ITPK1: variants seen among roughly 807,000 people sequenced by gnomAD.
ITPK1 encodes the protein inositol 1,3,4-trisphosphate 5/6-kinase.
In ITPK1, 21 loss-of-function variants were observed where a neutral mutation model predicts 45.3. The observed-to-expected ratio is 0.46, with a 90% CI of 0.33 to 0.67. The LOEUF is 0.67. Among genes scored for constraint, ITPK1 ranks in the 30% least tolerant of loss-of-function variants. The pLI is 0.02. For synonymous variants in ITPK1, 258 were observed against 253.6 expected (o/e 1.02, Z -0.16); for missense variants, 474 against 573.5 (o/e 0.83, Z 1.77).
chr14:93,003,324 C>T (rs773975714), intron 4 of ITPK1, among the ~76,000 whole-genome samples: 8 of 152,210 alleles, frequency 5.3e-5, no homozygotes, highest in African/African-American at 1.4e-4. Context: ...CCACTGCAAC[C>T]GTGAAACCAA....
rs1262632111 is a variant in ITPK1 at position 92,940,459 on chromosome 14, G to T, written c.*1102C>A. 5.4e-6 allele frequency: 6 copies of T among 1,116,020 alleles called. No individual in the cohort carries two copies. Among genetic ancestry groups the T allele is most frequent in the Non-Finnish European group, 6.6e-6 (6 of 904,772 alleles). The allele number at this position is 1,116,020 out of a possible 1,614,324, so 69.1% of individuals were successfully genotyped here. A position where few individuals can be genotyped will look rare whatever the true frequency, so the allele number is the denominator to read the frequency against. The stretch of plus-strand genomic sequence containing the variant: ...GTGCAGAAGCGATGGGGGGCGGGTG[G>T]CTCCCTGGCACCTGCTGGCTCAGTG... On this transcript the variant is annotated 3_prime_UTR_variant, in exon 11 of 11. Coordinates refer to ENST00000267615, the MANE Select transcript of ITPK1 (RefSeq NM_014216.6).
chr14:93,004,580 ATGTG>A (rs113324479), intron 4 of ITPK1, among the ~76,000 whole-genome samples: 7 of 151,288 alleles, frequency 4.6e-5, no homozygotes, highest in East Asian at 3.9e-4. Flanking sequence ...GTGAGAGCAT[ATGTG>A]TGTGTGTGTG....
chr14:93,045,894 A>G (rs1299546769), intron 3 of ITPK1, among the ~76,000 whole-genome samples: 8 of 152,072 alleles, frequency 5.3e-5, no homozygotes, highest in Admixed American at 5.2e-4. Flanking sequence ...AAAACCTTCA[A>G]TCGCTCCCCA....
chr14:92,946,457 C>T lies in ITPK1; in HGVS notation c.775G>A (p.Asp259Asn), dbSNP rs754696344. 10 of 1,612,736 alleles carry T rather than the reference C, an allele frequency of 6.2e-6. No individual in the cohort carries two copies. Among genetic ancestry groups the T allele is most frequent in the South Asian group, 3.3e-5 (3 of 91,074 alleles). Residue 259 changes from aspartate (D) to asparagine (N), a missense_variant, in exon 10 of 11, where the codon GAC (aspartate) becomes AAC (asparagine). Transcript: ENST00000267615. ...CGGGAGAGCTCCCGGATGACCTCGT[C>T]GCTCGGCCGCTCGAACACGCCCTCG... ...KIEGVFERPS[D>N]EVIRELSRAL...
At chr14:93,051,213 T>A (rs577983996) in intron 3 of ITPK1, among the ~76,000 whole-genome samples, 44 of 152,306 alleles carry the variant, frequency 2.9e-4, no homozygotes, top group Non-Finnish European at 5.0e-4. Flanking sequence ...ATGGGGGAGC[T>A]GAATATCCCA....
At chr14:93,078,380 C>A (rs886591355) in intron 2 of ITPK1, among the ~76,000 whole-genome samples, 2 of 152,202 alleles carry the variant, frequency 1.3e-5, no homozygotes, top group South Asian at 4.1e-4. Context: ...AAAGGAGCCA[C>A]TCCATGAGAC....
intron 3 of ITPK1, among the ~76,000 whole-genome samples, chr14:93,019,596 A>T (rs1321859769): frequency 6.6e-6 from 1 of 152,220 alleles, no homozygotes; most frequent in African/African-American, 2.4e-5. Context: ...GGGTACCAGC[A>T]GGGCTGCTGG....
intron 2 of ITPK1, among the ~76,000 whole-genome samples, chr14:93,106,949 T>G (rs1196302617): frequency 6.7e-6 from 1 of 149,272 alleles, no homozygotes; most frequent in East Asian, 1.9e-4. Flanking sequence ...AGGCAGTTAT[T>G]GATCCACTAA....
intron 5 of ITPK1, among the ~76,000 whole-genome samples, chr14:92,977,453 C>T (rs1323201502): frequency 1.3e-5 from 2 of 152,192 alleles, no homozygotes; most frequent in Non-Finnish European, 2.9e-5. Context: ...TGACAGAACT[C>T]GAACTCAGAT....
Position 92,938,464 on chromosome 14 carries a change from C to T in ITPK1, c.*3097G>A. On this transcript the variant is annotated 3_prime_UTR_variant, in exon 11 of 11. Coordinates refer to ENST00000267615, the MANE Select transcript of ITPK1 (RefSeq NM_014216.6). ...AGCTGCTTTGCTCAGTTGGCTCAAACATGTGACAGCTTCCTACTTCAGTCG... is the reference window on the plus strand; with the variant it reads ...AGCTGCTTTGCTCAGTTGGCTCAAATATGTGACAGCTTCCTACTTCAGTCG... The T allele has an allele frequency of 1.9e-6, 3 of 1,608,102 alleles. No individual in the cohort carries two copies. Among genetic ancestry groups the T allele is most frequent in the Middle Eastern group, 1.7e-4 (1 of 6,052 alleles).
intron 2 of ITPK1, among the ~76,000 whole-genome samples, chr14:93,109,324 G>A (rs895004201): frequency 2.0e-5 from 3 of 152,196 alleles, no homozygotes; most frequent in African/African-American, 7.2e-5. Flanking sequence ...ACCTACACGT[G>A]CACGCGCCCC....
In ITPK1 at chr14:93,080,117, C is replaced by T. The variant is rs552986158; in HGVS notation, c.96-3498G>A. Among the ~76,000 whole-genome samples the T allele has an allele frequency of 1.2e-4, 18 of 152,340 alleles. 1 individual carries two copies. Among genetic ancestry groups the T allele is most frequent in the African/African-American group, 3.1e-4 (13 of 41,584 alleles). On this transcript the variant is annotated intron_variant, in intron 2 of 10. Transcript: ENST00000267615. ...CACCCACGAGGAATTATCTCCAAGACGTTGCTGTGTGAAACAGGTAAGATG... is the reference window on the plus strand; with the variant it reads ...CACCCACGAGGAATTATCTCCAAGATGTTGCTGTGTGAAACAGGTAAGATG...
At chr14:92,945,935 C>G (rs1244110428) in intron 10 of ITPK1, among the ~76,000 whole-genome samples, 1 of 152,230 alleles carries the variant, frequency 6.6e-6, no homozygotes, top group African/African-American at 2.4e-5. Context: ...GGGGCCTGAA[C>G]AGCTTCCTCC....
chr14:93,087,522 T>C (rs1407866287), intron 2 of ITPK1, among the ~76,000 whole-genome samples: 2 of 152,148 alleles, frequency 1.3e-5, no homozygotes, highest in South Asian at 2.1e-4. Context: ...GAGACCCCCA[T>C]CTCTGAAAAA....
chr14:93,074,162 AG>A (rs1891126943), intron 3 of ITPK1, among the ~76,000 whole-genome samples: 1 of 152,208 alleles, frequency 6.6e-6, no homozygotes, highest in South Asian at 2.1e-4. Context: ...AGGTGAACAG[AG>A]AGGTATCGTG....
intron 3 of ITPK1, among the ~76,000 whole-genome samples, chr14:93,019,149 C>T (rs931642150): frequency 2.0e-5 from 3 of 152,156 alleles, no homozygotes; most frequent in African/African-American, 2.4e-5. Context: ...GCACCACAAA[C>T]GAGAGGCCAA....
chr14:93,099,836 G>C (rs78122275), intron 2 of ITPK1, among the ~76,000 whole-genome samples: 2 of 152,004 alleles, frequency 1.3e-5, no homozygotes, highest in South Asian at 2.1e-4. Context: ...TCAGACTTGT[G>C]GGGGTAGGTA....
chr14:92,966,020 ATG>A (rs1337585193), intron 5 of ITPK1, among the ~76,000 whole-genome samples: 2 of 152,218 alleles, frequency 1.3e-5, no homozygotes, highest in Non-Finnish European at 2.9e-5. Flanking sequence ...AGAGAAAATT[ATG>A]TATGTGTATT....
chr14:92,946,063 A>AGGT (rs1887669476), intron 10 of ITPK1, among the ~76,000 whole-genome samples: 2 of 152,148 alleles, frequency 1.3e-5, no homozygotes, highest in African/African-American at 4.8e-5. Context: ...CCAATGACGC[A>AGGT]GGTGGAGAGA....
Sources: gnomAD v4.1 joint callset for allele counts (sites outside exome capture counted in the v4.1 genomes callset) on GRCh38, gnomAD v4.1.1 for gene constraint, MANE v1.5 for transcripts, NCBI Gene and HGNC (gene_info 2026-07-23, HGNC 2026-07-21) for gene names.